Variants in EPHA6 observed in about 807,000 individuals in gnomAD.
The protein encoded by EPHA6 is EPH receptor A6, also known as ephrin type-A receptor 6.
In EPHA6, 50 loss-of-function variants were observed where a neutral mutation model predicts 112.0. That is an observed-to-expected ratio of 0.45 (90% CI 0.36 to 0.56). The LOEUF (loss-of-function observed/expected upper bound fraction) is 0.56, where lower values mean the gene tolerates loss of function less well. EPHA6 is among the 20% of genes least tolerant of loss of function. EPHA6 has a pLI of 0.00. For synonymous variants in EPHA6, 529 were observed against 490.7 expected (o/e 1.08, Z -1.03); for missense variants, 1,280 against 1,417.4 (o/e 0.90, Z 1.56).
chr3:97,666,667 C>T (rs2030150498), intron 14 of EPHA6, among the ~76,000 whole-genome samples: 1 of 152,208 alleles, frequency 6.6e-6, no homozygotes, highest in South Asian at 2.1e-4. Context: ...AGTATGACCT[C>T]ATTTTAGCAA....
intron 6 of EPHA6, among the ~76,000 whole-genome samples, chr3:97,413,562 TA>T (rs2087887438): frequency 6.6e-6 from 1 of 152,032 alleles, no homozygotes; most frequent in Non-Finnish European, 1.5e-5. Context: ...TTACATAAGA[TA>T]AACTAAGCCT....
chr3:97,426,432 T>C (rs2089131435), intron 6 of EPHA6, among the ~76,000 whole-genome samples: 1 of 152,206 alleles, frequency 6.6e-6, no homozygotes, highest in Non-Finnish European at 1.5e-5. Context: ...CATAATTCAA[T>C]TATTTCCACC....
chr3:97,193,592 C>T (rs899512325), intron 3 of EPHA6, among the ~76,000 whole-genome samples: 3 of 149,430 alleles, frequency 2.0e-5, no homozygotes, highest in African/African-American at 7.4e-5. Flanking sequence ...ACAAGGATAA[C>T]TTGATTTTTT....
intron 12 of EPHA6, among the ~76,000 whole-genome samples, chr3:97,606,836 G>A (rs957054934): frequency 1.3e-5 from 2 of 151,056 alleles, no homozygotes; most frequent in African/African-American, 2.4e-5. Flanking sequence ...AAACATGGAA[G>A]GTAGAAATAG....
chr3:97,660,745 G>A (rs1442206474), intron 14 of EPHA6, among the ~76,000 whole-genome samples: 1 of 151,656 alleles, frequency 6.6e-6, no homozygotes, highest in East Asian at 1.9e-4. Flanking sequence ...GATGACAAAG[G>A]GATTACTTAA....
In EPHA6 at chr3:97,647,477, G is replaced by A. The variant is rs777470238; in HGVS notation, c.2784+9395G>A. 1.1e-4 allele frequency among the ~76,000 whole-genome samples: 17 copies of A among 152,066 alleles called. 1 individual carries two copies. Among genetic ancestry groups the A allele is most frequent in the Non-Finnish European group, 1.8e-4 (12 of 68,008 alleles). The stretch of plus-strand genomic sequence containing the variant: ...ATGAAAACCAAGAAATGTGTATTGT[G>A]GGCCAAGATAGAAGGAAATAAATGC... On this transcript the variant is annotated intron_variant, in intron 14 of 17. Transcript: ENST00000389672.
chr3:97,067,434 C>T (rs1576425750), intron 3 of EPHA6, among the ~76,000 whole-genome samples: 2 of 151,782 alleles, frequency 1.3e-5, no homozygotes, highest in East Asian at 3.9e-4. Flanking sequence ...GTAATTGAAA[C>T]GTGAAAGCTA....
At chr3:97,468,014 A>G (rs1332715316) in intron 7 of EPHA6, among the ~76,000 whole-genome samples, 3 of 151,756 alleles carry the variant, frequency 2.0e-5, no homozygotes, top group African/African-American at 4.8e-5. Flanking sequence ...AATTGAGGTC[A>G]TCAGGAAGAG....
intron 10 of EPHA6, among the ~76,000 whole-genome samples, chr3:97,518,869 T>C (rs555718340): frequency 1.3e-5 from 2 of 152,210 alleles, no homozygotes; most frequent in East Asian, 3.9e-4. Flanking sequence ...TTTGGGTTGT[T>C]TGAGTTCCTT....
chr3:97,609,166 G>A (rs958434211), intron 12 of EPHA6, among the ~76,000 whole-genome samples: 2 of 151,340 alleles, frequency 1.3e-5, no homozygotes, highest in African/African-American at 4.8e-5. Context: ...GCAGGCAGGG[G>A]AAGAAGACAT....
chr3:97,076,180 G>A (rs983718226), intron 3 of EPHA6, among the ~76,000 whole-genome samples: 2 of 152,130 alleles, frequency 1.3e-5, no homozygotes, highest in South Asian at 4.1e-4. Flanking sequence ...GCCAAAAAAG[G>A]CTCAAAGCTA....
intron 3 of EPHA6, among the ~76,000 whole-genome samples, chr3:96,990,236 G>A (rs2043167040): frequency 6.6e-6 from 1 of 151,880 alleles, no homozygotes; most frequent in African/African-American, 2.4e-5. Flanking sequence ...TACTTAATAT[G>A]CTTGCTGTGA....
At chr3:97,640,519 C>G (rs534843586) in intron 14 of EPHA6, among the ~76,000 whole-genome samples, 3 of 152,060 alleles carry the variant, frequency 2.0e-5, no homozygotes, top group Non-Finnish European at 4.4e-5. Flanking sequence ...TTATCCCATC[C>G]CAGCACTTTG....
At chr3:97,300,520 G>T (rs1203303024) in intron 5 of EPHA6, among the ~76,000 whole-genome samples, 1 of 152,138 alleles carries the variant, frequency 6.6e-6, no homozygotes, top group African/African-American at 2.4e-5. Flanking sequence ...CACAAATGTA[G>T]TAGGCAGTGG....
chr3:97,206,644 G>T (rs921976337), intron 3 of EPHA6, among the ~76,000 whole-genome samples: 1 of 151,914 alleles, frequency 6.6e-6, no homozygotes, highest in Non-Finnish European at 1.5e-5. Context: ...TGAAACTCCA[G>T]GTGTTTATTA....
At chr3:96,927,436 A>C (rs2040096593) in intron 2 of EPHA6, among the ~76,000 whole-genome samples, 1 of 152,170 alleles carries the variant, frequency 6.6e-6, no homozygotes. Context: ...TTTCTTTTCT[A>C]TCACATTGTC....
intron 3 of EPHA6, among the ~76,000 whole-genome samples, chr3:97,090,745 TTGGGATTTATAA>T (rs1324674804): frequency 6.6e-6 from 1 of 152,004 alleles, no homozygotes; most frequent in Non-Finnish European, 1.5e-5. Flanking sequence ...TAACCTGAAA[TTGGGATTTATAA>T]TGGACTCATT....
intron 14 of EPHA6, among the ~76,000 whole-genome samples, chr3:97,668,145 G>T (rs920811665): frequency 2.6e-5 from 4 of 152,164 alleles, no homozygotes; most frequent in African/African-American, 9.7e-5. Context: ...GCTTGAGATG[G>T]CTGAGAGTTA....
At chr3:96,879,164 G>T (rs1049996168) in intron 2 of EPHA6, among the ~76,000 whole-genome samples, 1 of 151,966 alleles carries the variant, frequency 6.6e-6, no homozygotes, top group East Asian at 1.9e-4. Flanking sequence ...GGGAAACTAT[G>T]AATGTTACTG....
Sources: allele counts gnomAD v4.1 joint callset (sites outside exome capture counted in the v4.1 genomes callset), GRCh38; gene constraint gnomAD v4.1.1; transcripts MANE v1.5; gene names NCBI Gene and HGNC (gene_info 2026-07-23, HGNC 2026-07-21).